CAMTA1: variants seen among roughly 807,000 people sequenced by gnomAD.
CAMTA1 encodes calmodulin-binding transcription activator 1.
CAMTA1 carries 27 observed loss-of-function variants against 170.9 expected under a neutral mutation model. The ratio of observed to expected loss-of-function variants is 0.16; its 90% confidence interval spans 0.12 to 0.22. The LOEUF is 0.22. Among genes scored for constraint, CAMTA1 ranks in the 10% least tolerant of loss-of-function variants. The pLI, the probability that CAMTA1 is intolerant of heterozygous loss-of-function variation, is 1.00. For synonymous variants in CAMTA1, 833 were observed against 891.5 expected (o/e 0.93, Z 1.17); for missense variants, 1,619 against 2,217.2 (o/e 0.73, Z 5.42).
intron 11 of CAMTA1, among the ~76,000 whole-genome samples, chr1:7,705,029 C>T (rs1483413777): frequency 2.1e-5 from 3 of 142,808 alleles, no homozygotes; most frequent in African/African-American, 7.8e-5. Context: ...GCGTGGTGCG[C>T]GGCCACGCGT....
intron 16 of CAMTA1, among the ~76,000 whole-genome samples, chr1:7,740,356 A>G (rs973456007): frequency 2.0e-5 from 3 of 152,262 alleles, no homozygotes; most frequent in Non-Finnish European, 4.4e-5. Flanking sequence ...CTTTATTTAC[A>G]TAAACAGGCA....
At chr1:6,847,105 G>A (rs990065267) in intron 3 of CAMTA1, among the ~76,000 whole-genome samples, 1 of 151,668 alleles carries the variant, frequency 6.6e-6, no homozygotes, top group East Asian at 1.9e-4. Flanking sequence ...CTGGGTTCAA[G>A]CTGTTCTTTT....
rs375751008 is a variant in CAMTA1, at chr1:7,031,620, A to G, written c.235-59684A>G. Among the ~76,000 whole-genome samples the G allele has an allele frequency of 3.3e-5, 5 of 151,862 alleles. No individual in the cohort carries two copies. In the East Asian group the frequency reaches 9.7e-4, roughly 29 times the overall value. On this transcript the variant is annotated intron_variant, in intron 3 of 22. Transcript: ENST00000303635. ...AGTGGTGCAATCTTGGTTCACTGCA[A>G]CCTCCGCCTCCCGGGTTCAAGTGAT...
At chr1:7,393,291 G>T (rs535901717) in intron 5 of CAMTA1, among the ~76,000 whole-genome samples, 1 of 152,056 alleles carries the variant, frequency 6.6e-6, no homozygotes, top group African/African-American at 2.4e-5. Flanking sequence ...TTGAGGCAGG[G>T]TCCTACTCTG....
chr1:7,551,450 T>C (rs1162041169), intron 6 of CAMTA1, among the ~76,000 whole-genome samples: 1 of 152,186 alleles, frequency 6.6e-6, no homozygotes, highest in Non-Finnish European at 1.5e-5. Flanking sequence ...CAGACGCTTG[T>C]TCCTTCTCTC....
intron 7 of CAMTA1, among the ~76,000 whole-genome samples, chr1:7,643,240 C>A (rs550478854): frequency 6.6e-6 from 1 of 152,206 alleles, no homozygotes; most frequent in East Asian, 1.9e-4. Context: ...GAAGGAATTC[C>A]TCTTGTCAGA....
At chr1:7,410,117 A>G (rs2090605789) in intron 5 of CAMTA1, among the ~76,000 whole-genome samples, 1 of 152,250 alleles carries the variant, frequency 6.6e-6, no homozygotes, top group Non-Finnish European at 1.5e-5. Flanking sequence ...GAAGGAAAGC[A>G]GTAAGGATTT....
intron 3 of CAMTA1, among the ~76,000 whole-genome samples, chr1:6,983,380 G>A (rs1572210543): frequency 6.6e-6 from 1 of 152,080 alleles, no homozygotes; most frequent in East Asian, 1.9e-4. Flanking sequence ...AACAGTCAGG[G>A]CTGTGGCACC....
chr1:7,595,182 C>T (rs1479652660), intron 6 of CAMTA1, among the ~76,000 whole-genome samples: 1 of 152,140 alleles, frequency 6.6e-6, no homozygotes, highest in Non-Finnish European at 1.5e-5. Context: ...TTCGAGGCAG[C>T]CCTGGATCAT....
chr1:6,917,679 G>A (rs561486117), intron 3 of CAMTA1, among the ~76,000 whole-genome samples: 44 of 152,106 alleles, frequency 2.9e-4, no homozygotes, highest in African/African-American at 7.0e-4. Context: ...AGCCAGGTGC[G>A]GCTTTGCAGT....
In CAMTA1 at chr1:7,685,515, C is replaced by T. The variant is rs932862082; in HGVS notation, c.2914+7782C>T. ...GTGTCCCCATTGATGGCCCCTTCCC[C>T]AGGCGAAGCCCTCTGGCTCTGGGCA... On this transcript the variant is annotated intron_variant, in intron 11 of 22. Coordinates refer to ENST00000303635, the MANE Select transcript of CAMTA1 (RefSeq NM_015215.4). This position sits in a 1 kb window ranked among gnomAD's most constrained non-coding sequence, Gnocchi z 5.7. 1.3e-5 allele frequency among the ~76,000 whole-genome samples: 2 copies of T among 152,214 alleles called. No individual in the cohort carries two copies. Among genetic ancestry groups the T allele is most frequent in the Non-Finnish European group, 2.9e-5 (2 of 68,036 alleles).
chr1:6,861,746 G>A (rs1664771656), intron 3 of CAMTA1, among the ~76,000 whole-genome samples: 1 of 152,174 alleles, frequency 6.6e-6, no homozygotes, highest in Admixed American at 6.5e-5. Flanking sequence ...TATAAAATTT[G>A]TTGTCTTAAC....
intron 11 of CAMTA1, among the ~76,000 whole-genome samples, chr1:7,697,886 G>A (rs184651613): frequency 1.2e-3 from 184 of 152,238 alleles, no homozygotes; most frequent in African/African-American, 2.5e-3. Context: ...ATCTCTGGCC[G>A]TATAACAAGC....
chr1:7,352,783 T>A (rs2084785276), intron 5 of CAMTA1, among the ~76,000 whole-genome samples: 1 of 152,174 alleles, frequency 6.6e-6, no homozygotes, highest in Admixed American at 6.5e-5. Context: ...GTATCTCACC[T>A]AGAGGTTACA....
At chr1:6,914,784 G>A (rs894431955) in intron 3 of CAMTA1, among the ~76,000 whole-genome samples, 3 of 152,198 alleles carry the variant, frequency 2.0e-5, no homozygotes, top group Non-Finnish European at 4.4e-5. Context: ...GATGCTGGGA[G>A]CCTGCAGACT....
intron 7 of CAMTA1, among the ~76,000 whole-genome samples, chr1:7,655,988 A>T (rs2095899770): frequency 6.6e-6 from 1 of 152,158 alleles, no homozygotes. Context: ...GAGGGATTAA[A>T]CTGCTTTACT....
At chr1:6,854,934 C>A (rs1299480779) in intron 3 of CAMTA1, among the ~76,000 whole-genome samples, 2 of 152,098 alleles carry the variant, frequency 1.3e-5, no homozygotes, top group African/African-American at 4.8e-5. Context: ...TGGAAGTTTT[C>A]TTTTGAGACA....
intron 7 of CAMTA1, among the ~76,000 whole-genome samples, chr1:7,652,966 A>G (rs151090444): frequency 1.3e-5 from 2 of 152,272 alleles, no homozygotes; most frequent in African/African-American, 2.4e-5. Context: ...ATGGGATAAT[A>G]TATTCTGCCT....
At chr1:7,239,538 AT>A (rs1664477356) in intron 4 of CAMTA1, among the ~76,000 whole-genome samples, 1 of 151,724 alleles carries the variant, frequency 6.6e-6, no homozygotes, top group South Asian at 2.1e-4. Context: ...TGCTGACTGT[AT>A]CCCCATGGCA....
Sources: gnomAD v4.1 joint callset for allele counts (sites outside exome capture counted in the v4.1 genomes callset) on GRCh38, gnomAD v4.1.1 for gene constraint, Gnocchi (gnomAD v3.1) non-coding constraint, MANE v1.5 for transcripts, NCBI Gene and HGNC (gene_info 2026-07-23, HGNC 2026-07-21) for gene names.